The following WDFY4 variants were observed in gnomAD, a reference collection of about 807,000 sequenced individuals.
The protein encoded by WDFY4 is WDFY family member 4.
WDFY4 carries 169 observed loss-of-function variants against 351.9 expected under a neutral mutation model. The ratio of observed to expected loss-of-function variants is 0.48; its 90% CI spans 0.42 to 0.55. The LOEUF (loss-of-function observed/expected upper bound fraction) is 0.55. Among genes scored for constraint, WDFY4 ranks in the 20% least tolerant of loss-of-function variants. The probability of loss-of-function intolerance (pLI) is 0.00; values close to 1 mark genes in which losing one functional copy is unlikely to be tolerated. For missense variants in WDFY4, 3,803 were observed against 3,935.6 expected (o/e 0.97, Z 0.90); for synonymous variants, 1,622 against 1,574.6 (o/e 1.03, Z -0.71).
intron 59 of WDFY4, among the ~76,000 whole-genome samples, chr10:48,977,723 G>T (rs889379855): frequency 6.6e-6 from 1 of 152,238 alleles, no homozygotes; most frequent in Non-Finnish European, 1.5e-5. Context: ...TCATTCATTC[G>T]ATGTGGTCAC....
intron 2 of WDFY4, among the ~76,000 whole-genome samples, chr10:48,710,567 T>C (rs1284206945): frequency 1.3e-5 from 2 of 152,198 alleles, no homozygotes; most frequent in Non-Finnish European, 2.9e-5. Context: ...AAACCCAGTT[T>C]GGGAGCTAGA....
intron 2 of WDFY4, among the ~76,000 whole-genome samples, chr10:48,714,844 G>A (rs1225163403): frequency 6.6e-6 from 1 of 152,238 alleles, no homozygotes; most frequent in Non-Finnish European, 1.5e-5. Flanking sequence ...ATATGTGGAT[G>A]TGGTAGATTA....
chr10:48,805,888 C>G (rs1026704021), intron 26 of WDFY4, 116 bp from the exon 27 acceptor site: 21 of 842,232 alleles, frequency 2.5e-5, no homozygotes, highest in Non-Finnish European at 3.2e-5. Context: ...GATGATTTCC[C>G]TTAAACTCTC....
intron 61 of WDFY4, 22 bp from the exon 62 acceptor site, chr10:48,982,487 G>A: frequency 6.7e-7 from 1 of 1,491,090 alleles, no homozygotes. Context: ...TAACGTTCTT[G>A]TCTTTTCTTT....
chr10:48,762,616 C>A (rs1022073094), intron 13 of WDFY4, among the ~76,000 whole-genome samples: 38 of 152,220 alleles, frequency 2.5e-4, no homozygotes, highest in Admixed American at 2.2e-3. Context: ...TGTGGCACCT[C>A]AGCAAGGCTG....
Position 48,879,708 on chromosome 10 carries a change from A to G in WDFY4, c.7167+2509A>G, listed in dbSNP as rs369822503. On this transcript the variant is annotated intron_variant, in intron 43 of 61. Transcript: ENST00000325239. Reference sequence around the variant, plus strand: ...CCAAGCTCGTTCCAGTGCTGGCAGAATCCACGTTCCTGCTTCTGTAGGTCT... The same window carrying G: ...CCAAGCTCGTTCCAGTGCTGGCAGAGTCCACGTTCCTGCTTCTGTAGGTCT... Among the ~76,000 whole-genome samples, 7 of 152,216 alleles carry G rather than the reference A, an allele frequency of 4.6e-5. 1 individual carries two copies. Among genetic ancestry groups the G allele is most frequent in the African/African-American group, 1.7e-4 (7 of 41,548 alleles).
At chr10:48,903,454 G>A (rs1837461877) in intron 47 of WDFY4, among the ~76,000 whole-genome samples, 1 of 152,360 alleles carries the variant, frequency 6.6e-6, no homozygotes, top group East Asian at 1.9e-4. Context: ...AGTAATCCAG[G>A]TGAGAGATGA....
chr10:48,873,733 A>C, intron 41 of WDFY4, 36 bp downstream of exon 41: 2 of 1,546,438 alleles, frequency 1.3e-6, no homozygotes, highest in Non-Finnish European at 8.7e-7. Flanking sequence ...TGCTGGTTCC[A>C]GGTAGGGCCT....
intron 23 of WDFY4, among the ~76,000 whole-genome samples, chr10:48,793,953 G>C (rs1362036011): frequency 6.6e-6 from 1 of 152,116 alleles, no homozygotes; most frequent in Non-Finnish European, 1.5e-5. Flanking sequence ...TTATAGGATG[G>C]GTGTTCTTAA....
At chr10:48,959,967 T>G (rs533130633) in intron 53 of WDFY4, among the ~76,000 whole-genome samples, 154 bp downstream of exon 53, 7 of 152,304 alleles carry the variant, frequency 4.6e-5, no homozygotes, top group African/African-American at 1.7e-4. Flanking sequence ...ATACCTTAGG[T>G]TGGCAAGGAA....
At chr10:48,775,678 G>GT (rs2066007947) in intron 14 of WDFY4, 34 bp from the exon 15 acceptor site, 1 of 1,536,608 alleles carries the variant, frequency 6.5e-7, no homozygotes, top group Non-Finnish European at 8.8e-7. Context: ...CTAGTAAAAT[G>GT]TCTTCATTTT....
At chr10:48,739,743 C>T (rs2064792474) in intron 11 of WDFY4, among the ~76,000 whole-genome samples, 1 of 152,136 alleles carries the variant, frequency 6.6e-6, no homozygotes, top group Non-Finnish European at 1.5e-5. Context: ...ACAGCCATTC[C>T]TTCCTCCTCT....
intron 46 of WDFY4, 72 bp downstream of exon 46, chr10:48,900,378 G>C: frequency 2.2e-6 from 3 of 1,385,570 alleles, no homozygotes; most frequent in Non-Finnish European, 3.0e-6. Context: ...AGAACACTCA[G>C]CTCTGTGCTC....
intron 52 of WDFY4, among the ~76,000 whole-genome samples, chr10:48,957,744 G>A (rs1311427645): frequency 1.3e-5 from 2 of 152,192 alleles, no homozygotes; most frequent in East Asian, 3.9e-4. Flanking sequence ...GGGATCCCAG[G>A]GCAGCTGGAC....
At chr10:48,770,794 C>A (rs954919444) in intron 13 of WDFY4, among the ~76,000 whole-genome samples, 1 of 152,202 alleles carries the variant, frequency 6.6e-6, no homozygotes, top group East Asian at 1.9e-4. Context: ...GTCCATCTGC[C>A]AGTTCAGGCT....
intron 47 of WDFY4, chr10:48,913,325 G>A (rs780439308): frequency 1.9e-5 from 28 of 1,485,002 alleles, no homozygotes; most frequent in African/African-American, 1.8e-4. Flanking sequence ...TTCCTGTGGA[G>A]GTAGCCCACT....
At chr10:48,788,249 G>A (rs569031149) in intron 20 of WDFY4, among the ~76,000 whole-genome samples, 2 of 151,826 alleles carry the variant, frequency 1.3e-5, no homozygotes, top group South Asian at 2.1e-4. Context: ...GACTGGTCTC[G>A]AAATCCTGAC....
chr10:48,934,107 G>A (rs1277282731), intron 47 of WDFY4, among the ~76,000 whole-genome samples: 4 of 152,312 alleles, frequency 2.6e-5, no homozygotes, highest in South Asian at 2.1e-4. Flanking sequence ...TCACAGCCCT[G>A]TCCTCCTAGA....
chr10:48,945,888 GC>G (rs1229833417), intron 49 of WDFY4, among the ~76,000 whole-genome samples, 151 bp from the exon 50 acceptor site: 1 of 152,120 alleles, frequency 6.6e-6, no homozygotes, highest in Non-Finnish European at 1.5e-5. Flanking sequence ...TGGCTCTGGG[GC>G]CATAAAACCC....
Sources: allele counts gnomAD v4.1 joint callset (sites outside exome capture counted in the v4.1 genomes callset), GRCh38; gene constraint gnomAD v4.1.1; transcripts MANE v1.5; gene names NCBI Gene and HGNC (gene_info 2026-07-23, HGNC 2026-07-21).